The following NAPEPLD variants were observed in gnomAD, a reference collection of about 807,000 sequenced individuals.
NAPEPLD encodes the protein N-acyl-phosphatidylethanolamine-hydrolyzing phospholipase D.
NAPEPLD carries 23 observed loss-of-function variants against 38.1 expected under a neutral mutation model. That is an observed-to-expected ratio of 0.60 (90% CI 0.43 to 0.86). The LOEUF is 0.86. NAPEPLD is among the 40% of genes least tolerant of loss of function. The pLI, the probability that NAPEPLD is intolerant of heterozygous loss-of-function variation, is 0.00. For synonymous variants in NAPEPLD, 147 were observed against 162.0 expected, an observed-to-expected ratio of 0.91 and a Z score of 0.71; for missense variants, 411 against 476.8, an observed-to-expected ratio of 0.86 and a Z score of 1.28.
In NAPEPLD at chr7:103,119,675, G is replaced by GA. The variant is rs746683932; in HGVS notation, c.842dup (p.Ala282ArgfsTer11). On this transcript the variant is annotated frameshift_variant, in exon 3 of 5. Coordinates refer to ENST00000465647, the MANE Select transcript of NAPEPLD (RefSeq NM_001122838.3). LOFTEE classifies it high-confidence loss of function. Reference sequence around the variant, plus strand: ...CAGGGCAATAACCAGTATCTCCTGCGAAAAAAAATCGATTCCAAGGCCCCA... The same window carrying GA: ...CAGGGCAATAACCAGTATCTCCTGCGAAAAAAAAATCGATTCCAAGGCCCCA... 5.0e-6 allele frequency: 8 copies of GA among 1,613,442 alleles called. No individual in the cohort carries two copies. The highest frequency in any genetic ancestry group is 6.8e-6 in the Non-Finnish European group (8 of 1,179,884).
rs951525701 is a variant in NAPEPLD at position 103,105,948 on chromosome 7, A to AG, written c.1057-2395_1057-2394insC. On this transcript the variant is annotated intron_variant, in intron 4 of 4. Transcript: ENST00000465647. ...ACTCCGTCTCAAAAAAAAAAAAAAA[A>AG]AAAAAAAAAGGCTGAAGAGGAACAG... Among the ~76,000 whole-genome samples, 6 of 151,402 alleles carry AG rather than the reference A, an allele frequency of 4.0e-5. 1 individual carries two copies. Among genetic ancestry groups the AG allele is most frequent in the Admixed American group, 1.3e-4 (2 of 15,228 alleles).
intron 1 of NAPEPLD, 85 bp downstream of exon 1, chr7:103,148,726 A>C (rs1326248645): frequency 1.3e-6 from 1 of 772,800 alleles, no homozygotes; most frequent in Non-Finnish European, 1.6e-6. Context: ...TAGAAGATAA[A>C]CACTATAGAT....
intron 1 of NAPEPLD, chr7:103,141,987 T>A (rs1585901950): frequency 1.3e-5 from 9 of 708,066 alleles, no homozygotes; most frequent in Non-Finnish European, 2.0e-5. Flanking sequence ...GTGGAGCTTT[T>A]TAAACTACAC....
chr7:103,125,029 A>AT (rs1807477566), intron 2 of NAPEPLD, among the ~76,000 whole-genome samples: 2 of 152,222 alleles, frequency 1.3e-5, no homozygotes, highest in African/African-American at 4.8e-5. Context: ...AAAAAGAAAG[A>AT]TGTGACTCAA....
chr7:103,147,920 C>A, intron 1 of NAPEPLD: 3 of 928,554 alleles, frequency 3.2e-6, no homozygotes, highest in Non-Finnish European at 3.9e-6. Context: ...TTTAACCCCT[C>A]AATCTCTCCT....
At chr7:103,143,085 A>G (rs1811804908) in intron 1 of NAPEPLD, among the ~76,000 whole-genome samples, 1 of 151,858 alleles carries the variant, frequency 6.6e-6, no homozygotes, top group Non-Finnish European at 1.5e-5. Context: ...AAAAACAAAA[A>G]AACAAACACA....
At chr7:103,113,572 C>CT (rs5886246) in intron 4 of NAPEPLD, among the ~76,000 whole-genome samples, 9 of 138,294 alleles carry the variant, frequency 6.5e-5, no homozygotes, top group African/African-American at 2.4e-4. Flanking sequence ...CCTAACCACA[C>CT]TTTTTTTTTT....
intron 1 of NAPEPLD, 44 bp from the exon 2 acceptor site, chr7:103,128,836 C>A: frequency 6.5e-7 from 1 of 1,536,710 alleles, no homozygotes. Context: ...AACATAAAGG[C>A]ATTCAAACAT....
chr7:103,111,477 T>G (rs1268867797), intron 4 of NAPEPLD, among the ~76,000 whole-genome samples: 1 of 152,184 alleles, frequency 6.6e-6, no homozygotes, highest in Non-Finnish European at 1.5e-5. Flanking sequence ...CCATCTGATC[T>G]TTGACAAACC....
Position 103,103,568 on chromosome 7 carries a change from A to C in NAPEPLD, c.1057-14T>G, listed in dbSNP as rs1802710843. 6.4e-7 allele frequency: 1 copy of C among 1,566,834 alleles called. No homozygotes were observed. Among genetic ancestry groups the C allele is most frequent in the Non-Finnish European group, 8.6e-7 (1 of 1,167,450 alleles). ...CTCTAAGTAATGCTGGCCAAAGAGA[A>C]AGAAGAAAAATAGAAAAAGATTAAA... On this transcript the variant is annotated splice_polypyrimidine_tract_variant and intron_variant, in intron 4 of 4. Transcript: ENST00000465647.
chr7:103,131,424 C>T (rs1219385158), intron 1 of NAPEPLD, among the ~76,000 whole-genome samples: 1 of 151,838 alleles, frequency 6.6e-6, no homozygotes, highest in Middle Eastern at 3.2e-3. Flanking sequence ...TTCAGGAGGC[C>T]AAGGCAGATG....
chr7:103,114,619 T>C (rs1805213471), intron 4 of NAPEPLD, among the ~76,000 whole-genome samples: 1 of 152,178 alleles, frequency 6.6e-6, no homozygotes, highest in African/African-American at 2.4e-5. Flanking sequence ...CTCTGATCCC[T>C]GCCATCAGCA....
intron 4 of NAPEPLD, among the ~76,000 whole-genome samples, chr7:103,107,820 ACT>A (rs1366426174): frequency 6.6e-6 from 1 of 152,180 alleles, no homozygotes; most frequent in Admixed American, 6.5e-5. Flanking sequence ...GTTGGAAAAC[ACT>A]CTTCAGAATA....
At chr7:103,131,483 AC>A (rs905425412) in intron 1 of NAPEPLD, among the ~76,000 whole-genome samples, 1 of 152,018 alleles carries the variant, frequency 6.6e-6, no homozygotes, top group Non-Finnish European at 1.5e-5. Flanking sequence ...AGATGGTGAA[AC>A]CCTGTCTCTA....
intron 3 of NAPEPLD, among the ~76,000 whole-genome samples, chr7:103,116,064 CTTTTTTTT>C (rs10541883): frequency 4.0e-5 from 6 of 151,020 alleles, no homozygotes; most frequent in Non-Finnish European, 5.9e-5. Context: ...TTCTTTTTTT[CTTTTTTTT>C]TTTTTCTGAG....
intron 1 of NAPEPLD, among the ~76,000 whole-genome samples, chr7:103,139,111 G>A (rs745518054): frequency 6.6e-6 from 1 of 152,232 alleles, no homozygotes; most frequent in Non-Finnish European, 1.5e-5. Flanking sequence ...GGTAGGCTAG[G>A]AGGTTATTAA....
chr7:103,144,427 C>G (rs938630416), intron 1 of NAPEPLD, among the ~76,000 whole-genome samples: 1 of 152,070 alleles, frequency 6.6e-6, no homozygotes, highest in Non-Finnish European at 1.5e-5. Flanking sequence ...GTTTCAAATG[C>G]TATAACTTTC....
chr7:103,127,449 C>CT (rs1808054626), intron 2 of NAPEPLD: 1 of 152,162 alleles, frequency 6.6e-6, no homozygotes. Context: ...AGGAAGTTCA[C>CT]TGAAAATATG....
intron 1 of NAPEPLD, among the ~76,000 whole-genome samples, chr7:103,133,173 G>A (rs1379764835): frequency 6.6e-6 from 1 of 152,154 alleles, no homozygotes; most frequent in Non-Finnish European, 1.5e-5. Flanking sequence ...ACTCTCCTCT[G>A]CTCCATAAAC....
Sources: allele counts gnomAD v4.1 joint callset (sites outside exome capture counted in the v4.1 genomes callset), GRCh38; gene constraint gnomAD v4.1.1; transcripts MANE v1.5; gene names NCBI Gene and HGNC (gene_info 2026-07-23, HGNC 2026-07-21).